The following CNTNAP4 variants were observed in gnomAD, a reference collection of about 807,000 sequenced individuals.
CNTNAP4 encodes contactin associated protein family member 4.
CNTNAP4 carries 98 observed loss-of-function variants against 148.4 expected under a neutral mutation model. That is an observed-to-expected ratio of 0.66 (90% confidence interval 0.56 to 0.78). The LOEUF (loss-of-function observed/expected upper bound fraction) is 0.78, where lower values mean the gene tolerates loss of function less well. CNTNAP4 is among the 30% of genes least tolerant of loss of function. The pLI is 0.00. For synonymous variants in CNTNAP4, 730 were observed against 565.1 expected (o/e 1.29, Z -4.14); for missense variants, 1,935 against 1,565.6 (o/e 1.24, Z -3.98).
intron 12 of CNTNAP4, among the ~76,000 whole-genome samples, chr16:76,481,272 A>G (rs1447931080): frequency 6.6e-6 from 1 of 152,250 alleles, no homozygotes; most frequent in Admixed American, 6.5e-5. Flanking sequence ...GCTGTCCAAC[A>G]TGGTAGCCAC....
intron 16 of CNTNAP4, 25 bp from the exon 17 acceptor site, chr16:76,522,014 C>T (rs2083472185): frequency 6.2e-7 from 1 of 1,608,122 alleles, no homozygotes; most frequent in Non-Finnish European, 8.5e-7. Context: ...CTCACTAGAA[C>T]AATCTTTATG....
In CNTNAP4 at chr16:76,312,359, T is replaced by C. The variant is rs554359708; in HGVS notation, c.86-4054T>C. On this transcript the variant is annotated intron_variant, in intron 1 of 23. Coordinates refer to ENST00000611870, the MANE Select transcript of CNTNAP4 (RefSeq NM_033401.5). Reference sequence around the variant, plus strand: ...CTGGTTGAGAACCTCTGAATTGGAATGTGGTCCTTAGCTTTGCAAGTCTAG... The same window carrying C: ...CTGGTTGAGAACCTCTGAATTGGAACGTGGTCCTTAGCTTTGCAAGTCTAG... Among the ~76,000 whole-genome samples, 74 of 152,338 alleles carry C rather than the reference T, an allele frequency of 4.9e-4. 1 individual carries two copies. In the Middle Eastern group the frequency reaches 0.014, roughly 28 times the overall value.
chr16:76,298,798 A>C (rs148876668), intron 1 of CNTNAP4, among the ~76,000 whole-genome samples: 1 of 152,138 alleles, frequency 6.6e-6, no homozygotes, highest in Non-Finnish European at 1.5e-5. Context: ...CTTTCTTTTT[A>C]AGCCATGGAG....
intron 21 of CNTNAP4, among the ~76,000 whole-genome samples, chr16:76,552,543 C>T (rs2084999088): frequency 6.6e-6 from 1 of 152,130 alleles, no homozygotes; most frequent in South Asian, 2.1e-4. Context: ...CCACAAGAGT[C>T]TCATACTAAC....
intron 23 of CNTNAP4, chr16:76,557,601 A>G (rs1167708488): frequency 6.6e-6 from 1 of 152,098 alleles, no homozygotes; most frequent in Non-Finnish European, 1.5e-5. Context: ...CTTTTCCTAC[A>G]ATTGTCTGGC....
rs141658066 is a variant in CNTNAP4, at chr16:76,500,754, CCATATATA to C, written c.2365+2069_2365+2076del. Among the ~76,000 whole-genome samples, 535 of 151,472 alleles carry C rather than the reference CCATATATA, an allele frequency of 3.5e-3. 1 individual carries two copies. The highest frequency in any genetic ancestry group is 0.012 in the African/African-American group (512 of 41,266). On this transcript the variant is annotated intron_variant, in intron 15 of 23. Transcript: ENST00000611870. ...AATATAGTTCCACTATATTTATGTT[CCATATATA>C]CATATATATGTTTTATATATATATA...
At chr16:76,558,291 G>A in intron 23 of CNTNAP4, 199 bp from the exon 24 acceptor site, 1 of 484,908 alleles carries the variant, frequency 2.1e-6, no homozygotes. Context: ...AACCCACAAG[G>A]CTGATAGAAC....
At chr16:76,494,376 T>C (rs2143826454) in intron 13 of CNTNAP4, among the ~76,000 whole-genome samples, 1 of 152,190 alleles carries the variant, frequency 6.6e-6, no homozygotes, top group East Asian at 1.9e-4. Context: ...TACTTCCAAA[T>C]AAATCTTAAA....
At chr16:76,341,906 G>A (rs1169178936) in intron 2 of CNTNAP4, among the ~76,000 whole-genome samples, 1 of 152,172 alleles carries the variant, frequency 6.6e-6, no homozygotes, top group African/African-American at 2.4e-5. Context: ...AACCCAAGAA[G>A]TTGCCATGTC....
intron 2 of CNTNAP4, among the ~76,000 whole-genome samples, chr16:76,320,807 C>G (rs374988108): frequency 1.4e-4 from 21 of 152,222 alleles, no homozygotes; most frequent in African/African-American, 4.8e-4. Context: ...TTTTAATGTA[C>G]TTGGACAACC....
intron 15 of CNTNAP4, among the ~76,000 whole-genome samples, chr16:76,516,032 G>A (rs1229708013): frequency 5.3e-5 from 8 of 152,198 alleles, no homozygotes; most frequent in East Asian, 1.9e-4. Flanking sequence ...CTATCAACCC[G>A]TCATCTAGGT....
At chr16:76,313,756 T>C (rs1286925874) in intron 1 of CNTNAP4, among the ~76,000 whole-genome samples, 1 of 152,228 alleles carries the variant, frequency 6.6e-6, no homozygotes, top group Non-Finnish European at 1.5e-5. Context: ...TAGGTTCATG[T>C]ATAATAAACT....
chr16:76,346,341 A>G (rs925783632), intron 2 of CNTNAP4, among the ~76,000 whole-genome samples: 1 of 143,000 alleles, frequency 7.0e-6, no homozygotes, highest in Non-Finnish European at 1.5e-5. Context: ...TGTTGGGTAC[A>G]GGAGAGTGAC....
At chr16:76,496,224 C>T (rs1289531171) in intron 14 of CNTNAP4, among the ~76,000 whole-genome samples, 1 of 151,718 alleles carries the variant, frequency 6.6e-6, no homozygotes, top group Non-Finnish European at 1.5e-5. Context: ...GGAAGGCACC[C>T]TTTTCTTATC....
intron 18 of CNTNAP4, among the ~76,000 whole-genome samples, 177 bp downstream of exon 18, chr16:76,535,961 A>G (rs1181996746): frequency 6.6e-6 from 1 of 152,234 alleles, no homozygotes; most frequent in East Asian, 1.9e-4. Context: ...AGACAGCATC[A>G]TATATTCAAA....
chr16:76,363,317 C>T (rs1288675388), intron 3 of CNTNAP4, among the ~76,000 whole-genome samples: 3 of 152,038 alleles, frequency 2.0e-5, no homozygotes, highest in East Asian at 3.9e-4. Flanking sequence ...TGTGTGCCAC[C>T]ATACCCAGCT....
At chr16:76,382,479 C>T (rs1215318684) in intron 3 of CNTNAP4, among the ~76,000 whole-genome samples, 3 of 151,930 alleles carry the variant, frequency 2.0e-5, no homozygotes, top group Admixed American at 6.6e-5. Context: ...GAAACTTATC[C>T]TGATAAAGCA....
chr16:76,513,418 A>G (rs986763718), intron 15 of CNTNAP4, among the ~76,000 whole-genome samples: 5 of 152,174 alleles, frequency 3.3e-5, no homozygotes, highest in Non-Finnish European at 5.9e-5. Context: ...ACTTGGCATC[A>G]TATTACAGCA....
rs1366189550 is a variant in CNTNAP4 at position 76,462,088 on chromosome 16, G to A, written c.1466G>A (p.Gly489Asp). ...GGGCCTGAGCAGATTTATTCGGGTGGCACCTATTATTTTGGAGGTAAGAAT... is the reference window on the plus strand; with the variant it reads ...GGGCCTGAGCAGATTTATTCGGGTGACACCTATTATTTTGGAGGTAAGAAT... ...LLGPEQIYSG[G>D]TYYFGGCPDK... is the part of the protein sequence containing the mutation. Residue 489 changes from glycine (G) to aspartate (D), a missense_variant, in exon 9 of 24, where the codon GGC (glycine) becomes GAC (aspartate). Gly to Asp is a moderately conservative substitution (Grantham distance 94, BLOSUM62 -1). Transcript: ENST00000611870. 2 of 1,613,376 alleles carry A rather than the reference G, an allele frequency of 1.2e-6. No homozygotes were observed. The highest frequency in any genetic ancestry group is 1.3e-5 in the African/African-American group (1 of 74,998).
Sources: gnomAD v4.1 joint callset for allele counts (sites outside exome capture counted in the v4.1 genomes callset) on GRCh38, gnomAD v4.1.1 for gene constraint, MANE v1.5 for transcripts, NCBI Gene and HGNC (gene_info 2026-07-23, HGNC 2026-07-21) for gene names.